Variants in COMMD8 observed in about 807,000 individuals in gnomAD.
COMMD8 encodes COMM domain-containing protein 8.
COMMD8 carries 28 observed loss-of-function variants against 27.2 expected under a neutral mutation model. The observed-to-expected ratio is 1.03, with a 90% CI of 0.76 to 1.41. The LOEUF is 1.41. COMMD8 is among the 40% of genes most tolerant of loss of function. The pLI is 0.00. For missense variants in COMMD8, 217 were observed against 211.2 expected, an observed-to-expected ratio of 1.03 and a Z score of -0.17; for synonymous variants, 79 against 75.5, an observed-to-expected ratio of 1.05 and a Z score of -0.24.
Position 47,463,625 on chromosome 4 carries a change from C to G in COMMD8, c.27G>C (p.Leu9Phe), listed in dbSNP as rs1259496698. 6.5e-7 allele frequency: 1 copy of G among 1,549,046 alleles called. No homozygotes were observed. Among genetic ancestry groups the G allele is most frequent in the South Asian group, 1.2e-5 (1 of 83,932 alleles). ...CGGCCGGCAGCTTCTGCAGCCGCCA[C>G]AAGGGCGTCCCCTCTTCCGGCTCCA... The part of the protein sequence containing the change: MEPEEGTP[L>F]WRLQKLPAEL... Residue 9 changes from leucine to phenylalanine, a missense_variant, in exon 1 of 5, where the codon TTG (leucine) becomes TTC (phenylalanine). Leu to Phe is a conservative substitution (Grantham distance 22, BLOSUM62 0). Transcript: ENST00000381571.
chr4:47,454,798 G>C (rs1210416967), intron 3 of COMMD8, among the ~76,000 whole-genome samples: 2 of 150,106 alleles, frequency 1.3e-5, no homozygotes, highest in Non-Finnish European at 3.0e-5. Flanking sequence ...CCGGGAGGTG[G>C]GGTTGCGGTG....
chr4:47,461,544 T>C lies in COMMD8; in HGVS notation c.67-1245A>G, dbSNP rs577157314. On this transcript the variant is annotated intron_variant, in intron 1 of 4. Coordinates refer to ENST00000381571, the MANE Select transcript of COMMD8 (RefSeq NM_017845.5). ...TAAAAAAAAAACCCAGAACTCAAACTGAAAAATAAAAGCATTATCTTTTTT... is the reference window on the plus strand; with the variant it reads ...TAAAAAAAAAACCCAGAACTCAAACCGAAAAATAAAAGCATTATCTTTTTT... Among the ~76,000 whole-genome samples, 26 of 152,128 alleles carry C rather than the reference T, an allele frequency of 1.7e-4. No homozygotes were observed. In the South Asian group the frequency reaches 5.4e-3, roughly 32 times the overall value.
At position 47,456,698 on chromosome 4, in the gene COMMD8, A is replaced by T. The variant is rs1226670850; in HGVS notation, c.254T>A (p.Leu85His). The T allele has an allele frequency of 6.2e-7, 1 of 1,606,290 alleles. No homozygotes were observed. Among genetic ancestry groups the T allele is most frequent in the Non-Finnish European group, 8.5e-7 (1 of 1,177,244 alleles). Reference protein sequence around the residue: ...IFQQLNQLNSLHQETIMKCVK... With the variant: ...IFQQLNQLNSHHQETIMKCVK... ...GCATTTCATGATAGTTTCTTGATGA[A>T]GTGAATTCAACTGATTCAACTGCTG... Residue 85 changes from leucine to histidine, a missense_variant, in exon 3 of 5, where the codon CTT becomes CAT. Transcript: ENST00000381571.
intron 3 of COMMD8, among the ~76,000 whole-genome samples, chr4:47,454,609 T>C (rs1185130098): frequency 6.6e-6 from 1 of 152,120 alleles, no homozygotes; most frequent in Non-Finnish European, 1.5e-5. Context: ...CTCACGCCTG[T>C]AATCCCAGCA....
At position 47,460,167 on chromosome 4, in the gene COMMD8, C is replaced by G; in HGVS notation, c.199G>C (p.Gly67Arg). The change falls in exon 2 of 5, where the codon GGT becomes CGT. Residue 67 changes from glycine to arginine, a missense_variant. Coordinates refer to ENST00000381571, the MANE Select transcript of COMMD8 (RefSeq NM_017845.5). ...DIAKFFKAIV[G>R]KNLPDEEIFQ... ...ACCTCTTCATCAGGTAAGTTTTTAC[C>G]AACTATGGCTTTGAAAAATTTGGCA... 6.2e-7 allele frequency: 1 copy of G among 1,612,626 alleles called. No individual in the cohort carries two copies.
At chr4:47,456,439 T>C in intron 3 of COMMD8, 138 bp downstream of exon 3, 1 of 527,366 alleles carries the variant, frequency 1.9e-6, no homozygotes, top group Non-Finnish European at 3.1e-6. Context: ...TAATTCAAGA[T>C]GTAATTTAAA....
intron 3 of COMMD8, among the ~76,000 whole-genome samples, chr4:47,455,260 C>T (rs151286922): frequency 0.047 from 7,189 of 152,280 alleles, 180 homozygotes; most frequent in Middle Eastern, 0.14. Flanking sequence ...AAGTGATCCA[C>T]CCGCCTTGGC....
intron 3 of COMMD8, among the ~76,000 whole-genome samples, chr4:47,456,012 G>T (rs960222813): frequency 6.6e-6 from 1 of 151,926 alleles, no homozygotes; most frequent in Non-Finnish European, 1.5e-5. Context: ...CTGGTGGGTG[G>T]AGGCAGGCAG....
intron 3 of COMMD8, among the ~76,000 whole-genome samples, chr4:47,453,993 T>C (rs1208484954): frequency 2.6e-5 from 4 of 152,182 alleles, no homozygotes; most frequent in Non-Finnish European, 5.9e-5. Flanking sequence ...ACATACACTA[T>C]AGAATCAAAT....
At chr4:47,461,202 C>T (rs1420076561) in intron 1 of COMMD8, among the ~76,000 whole-genome samples, 1 of 152,224 alleles carries the variant, frequency 6.6e-6, no homozygotes, top group Non-Finnish European at 1.5e-5. Flanking sequence ...TTCATGCCTT[C>T]AGCATCTATT....
At chr4:47,452,336 AG>A (rs1202648153) in intron 4 of COMMD8, among the ~76,000 whole-genome samples, 2 of 152,336 alleles carry the variant, frequency 1.3e-5, no homozygotes, top group East Asian at 3.9e-4. Flanking sequence ...TTCCATAGTT[AG>A]AGGATCATAA....
chr4:47,457,816 T>C (rs544920821), intron 2 of COMMD8, among the ~76,000 whole-genome samples: 26 of 150,540 alleles, frequency 1.7e-4, no homozygotes, highest in African/African-American at 5.8e-4. Flanking sequence ...ACTTAACACC[T>C]TGACAATAGT....
Position 47,451,280 on chromosome 4 carries a change from T to G in COMMD8, c.*365A>C, listed in dbSNP as rs1394047539. ...ATATGTTGCTATTCACACAATTCTT[T>G]AAGCAATATTCAAGTATATTTGTGC... On this transcript the variant is annotated 3_prime_UTR_variant, in exon 5 of 5. Coordinates refer to ENST00000381571, the MANE Select transcript of COMMD8 (RefSeq NM_017845.5). 1 of 229,124 alleles carries G rather than the reference T, an allele frequency of 4.4e-6. No individual in the cohort carries two copies. Among genetic ancestry groups the G allele is most frequent in the African/African-American group, 2.4e-5 (1 of 42,208 alleles). 14.2% of individuals were successfully genotyped at this position (229,124 alleles called of 1,614,324 possible).
At chr4:47,459,989 C>A in intron 2 of COMMD8, 155 bp downstream of exon 2, 1 of 548,560 alleles carries the variant, frequency 1.8e-6, no homozygotes, top group Non-Finnish European at 3.0e-6. Context: ...AACAAAACTG[C>A]AAAAACCTAG....
rs1729892545 is a variant in COMMD8, at chr4:47,456,451, TATCTTTG to T, written c.375+119_375+125del. 1.0e-5 allele frequency: 6 copies of T among 587,566 alleles called. No homozygotes were observed. The Admixed American group carries it at 2.5e-4, about 24-fold the overall frequency. 36.4% of individuals were successfully genotyped at this position (587,566 alleles called of 1,614,324 possible). A position where few individuals can be genotyped will look rare whatever the true frequency, so the allele number is the denominator to read the frequency against. ...AGTTAATTCAAGATGTAATTTAAAC[TATCTTTG>T]ATATTTCTTTGGGATAATACATTCC... On this transcript the variant is annotated intron_variant, in intron 3 of 4. Transcript: ENST00000381571.
intron 3 of COMMD8, among the ~76,000 whole-genome samples, chr4:47,456,202 G>A (rs1285098561): frequency 3.4e-5 from 5 of 148,794 alleles, no homozygotes; most frequent in South Asian, 4.2e-4. Context: ...AGCTGAGATC[G>A]CACCATTGCA....
rs191001660 is a variant in COMMD8, at chr4:47,456,298, A to G, written c.375+279T>C. Among the ~76,000 whole-genome samples, 710 of 131,100 alleles carry G rather than the reference A, an allele frequency of 5.4e-3. 13 individuals are homozygous for G. Among genetic ancestry groups the G allele is most frequent in the African/African-American group, 0.019 (663 of 34,078 alleles). 86.0% of individuals were successfully genotyped at this position (131,100 alleles called of 152,430 possible). On this transcript the variant is annotated intron_variant, in intron 3 of 4. Coordinates refer to ENST00000381571, the MANE Select transcript of COMMD8 (RefSeq NM_017845.5). ...TATATATATATATATATATATATAT[A>G]TATGTATATGTTGACTATATGCTGC...
At chr4:47,460,059 C>A in intron 2 of COMMD8, 85 bp downstream of exon 2, 1 of 1,062,116 alleles carries the variant, frequency 9.4e-7, no homozygotes, top group Non-Finnish European at 1.4e-6. Context: ...GATGATAGCC[C>A]TTGTATTATA....
intron 1 of COMMD8, among the ~76,000 whole-genome samples, chr4:47,460,637 G>C (rs1729999686): frequency 6.6e-6 from 1 of 151,996 alleles, no homozygotes; most frequent in Non-Finnish European, 1.5e-5. Context: ...CTTACTGTAG[G>C]CCTATAAGCT....
Sources: allele counts gnomAD v4.1 joint callset (sites outside exome capture counted in the v4.1 genomes callset), GRCh38; gene constraint gnomAD v4.1.1; transcripts MANE v1.5; gene names NCBI Gene and HGNC (gene_info 2026-07-23, HGNC 2026-07-21).